Variants in SCLT1 observed in about 807,000 individuals in gnomAD.
The protein encoded by SCLT1 is sodium channel and clathrin linker 1.
In SCLT1, 78 loss-of-function variants were observed where a neutral mutation model predicts 112.8. That is an observed-to-expected ratio of 0.69 (90% CI 0.58 to 0.83). SCLT1 has a LOEUF of 0.83. SCLT1 is among the 40% of genes least tolerant of loss of function. The pLI, the probability that SCLT1 is intolerant of heterozygous loss-of-function variation, is 0.00. For synonymous variants in SCLT1, 257 were observed against 254.7 expected (o/e 1.01, Z -0.09); for missense variants, 747 against 770.4 (o/e 0.97, Z 0.36).
chr4:129,028,257 C>G (rs535560271), intron 5 of SCLT1, among the ~76,000 whole-genome samples: 2 of 152,046 alleles, frequency 1.3e-5, no homozygotes, highest in African/African-American at 2.4e-5. Flanking sequence ...GGAGGCATCA[C>G]GCTACCTGAC....
chr4:129,026,599 G>A (rs1295311122), intron 5 of SCLT1, among the ~76,000 whole-genome samples: 1 of 152,000 alleles, frequency 6.6e-6, no homozygotes, highest in African/African-American at 2.4e-5. Flanking sequence ...GAGAAAGCAG[G>A]AAAGATCCAA....
intron 1 of SCLT1, among the ~76,000 whole-genome samples, chr4:129,087,938 T>A (rs1231420647): frequency 2.0e-5 from 3 of 150,854 alleles, no homozygotes; most frequent in Admixed American, 6.6e-5. Flanking sequence ...GAAAAAAAAA[T>A]TAGCCAGATA....
intron 8 of SCLT1, among the ~76,000 whole-genome samples, chr4:128,995,736 G>A (rs1367221997): frequency 6.6e-6 from 1 of 152,064 alleles, no homozygotes; most frequent in Non-Finnish European, 1.5e-5. Context: ...CCAATCTGCT[G>A]TCTCTGTTCT....
chr4:128,881,094 T>A (rs1479993341), downstream of SCLT1, among the ~76,000 whole-genome samples: 2 of 152,308 alleles, frequency 1.3e-5, no homozygotes, highest in East Asian at 3.9e-4. Flanking sequence ...ATAAATATTA[T>A]TAACATTGTC....
intron 9 of SCLT1, among the ~76,000 whole-genome samples, chr4:128,986,644 G>A (rs184386217): frequency 2.6e-5 from 4 of 152,286 alleles, no homozygotes; most frequent in Admixed American, 2.6e-4. Context: ...AAGGCACCAA[G>A]CAGATTTCTG....
intron 5 of SCLT1, among the ~76,000 whole-genome samples, chr4:129,005,655 T>G (rs559317714): frequency 6.6e-6 from 1 of 152,018 alleles, no homozygotes; most frequent in Non-Finnish European, 1.5e-5. Flanking sequence ...ACCCAGCCAT[T>G]GCATTACTGG....
chr4:129,027,880 T>G (rs1381748272), intron 5 of SCLT1, among the ~76,000 whole-genome samples: 3 of 152,026 alleles, frequency 2.0e-5, no homozygotes, highest in African/African-American at 7.2e-5. Flanking sequence ...TATACACCAA[T>G]AACAGACAAA....
chr4:129,063,075 T>C (rs1428043167), intron 2 of SCLT1, among the ~76,000 whole-genome samples: 1 of 152,254 alleles, frequency 6.6e-6, no homozygotes, highest in African/African-American at 2.4e-5. Context: ...TACTTTTCAA[T>C]CTTCTTTTTT....
chr4:129,045,898 A>G (rs1349983526), intron 2 of SCLT1, among the ~76,000 whole-genome samples: 1 of 152,100 alleles, frequency 6.6e-6, no homozygotes, highest in Non-Finnish European at 1.5e-5. Context: ...TGAACAAACA[A>G]TTTATAGTCC....
intron 18 of SCLT1, among the ~76,000 whole-genome samples, chr4:128,919,942 G>T (rs1735755059): frequency 1.3e-5 from 2 of 152,036 alleles, no homozygotes; most frequent in South Asian, 4.1e-4. Context: ...GGGTCAGAAG[G>T]ATTCACAGCC....
intron 5 of SCLT1, among the ~76,000 whole-genome samples, chr4:129,035,830 T>G (rs995766457): frequency 6.6e-6 from 1 of 151,388 alleles, no homozygotes; most frequent in Non-Finnish European, 1.5e-5. Context: ...GGGAGCATGA[T>G]AATAATAATA....
chr4:129,054,310 G>T (rs1027909173), intron 2 of SCLT1, among the ~76,000 whole-genome samples: 1 of 152,124 alleles, frequency 6.6e-6, no homozygotes, highest in African/African-American at 2.4e-5. Flanking sequence ...TGCTAGGTTG[G>T]AGAAGTTCTC....
At chr4:129,092,151 G>C (rs1248804189) in intron 1 of SCLT1, among the ~76,000 whole-genome samples, 3 of 152,132 alleles carry the variant, frequency 2.0e-5, no homozygotes, top group African/African-American at 7.2e-5. Flanking sequence ...ACTCTCAACT[G>C]AATTCCTATA....
chr4:128,953,379 T>C, intron 13 of SCLT1, among the ~76,000 whole-genome samples: 1 of 152,196 alleles, frequency 6.6e-6, no homozygotes, highest in South Asian at 2.1e-4. Context: ...TCACATATCA[T>C]ACAGCCTCTG....
intron 19 of SCLT1, among the ~76,000 whole-genome samples, chr4:128,889,382 G>C (rs1733137836): frequency 6.6e-6 from 1 of 152,172 alleles, no homozygotes; most frequent in Admixed American, 6.5e-5. Context: ...ATGTACAAAG[G>C]AAAGACAAGT....
chr4:128,903,796 T>C lies in SCLT1; in HGVS notation c.1830-12659A>G, dbSNP rs576603993. On this transcript the variant is annotated intron_variant, in intron 18 of 20. Coordinates refer to ENST00000281142, the MANE Select transcript of SCLT1 (RefSeq NM_144643.4). ...CTTATTTCTCTGTCAGGATGTTTCA[T>C]TGCAGGGATAAAGGAAAGACCCGGG... Among the ~76,000 whole-genome samples the C allele has an allele frequency of 1.3e-4, 20 of 152,276 alleles. No homozygotes were observed. In the South Asian group the frequency reaches 3.7e-3, roughly 28 times the overall value.
intron 9 of SCLT1, among the ~76,000 whole-genome samples, chr4:128,977,621 A>G (rs557372931): frequency 6.6e-5 from 10 of 152,212 alleles, no homozygotes; most frequent in Non-Finnish European, 1.5e-4. Flanking sequence ...AAGGATGATG[A>G]GGCAAACTGA....
intron 2 of SCLT1, among the ~76,000 whole-genome samples, chr4:129,054,964 ATGT>A (rs1749214877): frequency 2.0e-5 from 3 of 152,080 alleles, no homozygotes; most frequent in African/African-American, 7.2e-5. Context: ...CTTTTTGTTG[ATGT>A]TGATGTTACT....
intron 14 of SCLT1, 68 bp from the exon 15 acceptor site, chr4:128,948,638 A>G: frequency 7.7e-6 from 9 of 1,162,476 alleles, no homozygotes; most frequent in Non-Finnish European, 1.1e-5. Flanking sequence ...GGGAAAAATT[A>G]TAATTTGTTC....
Sources: gnomAD v4.1 joint callset for allele counts (sites outside exome capture counted in the v4.1 genomes callset) on GRCh38, gnomAD v4.1.1 for gene constraint, MANE v1.5 for transcripts, NCBI Gene and HGNC (gene_info 2026-07-23, HGNC 2026-07-21) for gene names.